The following PROM1 variants were observed in gnomAD, a reference collection of about 807,000 sequenced individuals.
The protein encoded by PROM1 is prominin-1.
A neutral mutation model predicts 116.9 loss-of-function variants in PROM1; 105 were observed. That is an observed-to-expected ratio of 0.90 (90% CI 0.77 to 1.06). PROM1 has a LOEUF of 1.06. PROM1 is among the 50% of genes least tolerant of loss of function. The pLI is 0.00. For synonymous variants in PROM1, 393 were observed against 387.0 expected (o/e 1.02, Z -0.18); for missense variants, 1,122 against 1,045.2 (o/e 1.07, Z -1.01).
chr4:16,078,973 C>T (rs1232577270), intron 1 of PROM1, among the ~76,000 whole-genome samples: 1 of 152,198 alleles, frequency 6.6e-6, no homozygotes, highest in Non-Finnish European at 1.5e-5. Flanking sequence ...CAGGCCCACG[C>T]TTCAGGTTAC....
chr4:15,993,814 T>C (rs551649785), intron 16 of PROM1, among the ~76,000 whole-genome samples, 173 bp downstream of exon 16: 1 of 152,344 alleles, frequency 6.6e-6, no homozygotes, highest in African/African-American at 2.4e-5. Flanking sequence ...AGAAAACGTT[T>C]TGGAACCAAA....
intron 2 of PROM1, among the ~76,000 whole-genome samples, chr4:16,073,634 C>T (rs541761527): frequency 8.0e-5 from 11 of 138,038 alleles, no homozygotes; most frequent in Admixed American, 1.5e-4. Flanking sequence ...GCTGGTCTGC[C>T]CTGGTCTACT....
At position 16,016,166 on chromosome 4, in the gene PROM1, C is replaced by A. The variant is rs1188471895; in HGVS notation, c.1077G>T (p.Gln359His). The A allele has an allele frequency of 5.2e-6, 8 of 1,552,834 alleles. No individual in the cohort carries two copies. Among genetic ancestry groups the A allele is most frequent in the Non-Finnish European group, 7.0e-6 (8 of 1,147,306 alleles). The change falls in exon 10 of 28, where the codon CAG (glutamine) becomes CAT (histidine). Residue 359 changes from glutamine to histidine, a missense_variant and splice_region_variant. By Grantham distance (24) the Gln-to-His change is conservative. Coordinates refer to ENST00000447510, the MANE Select transcript of PROM1 (RefSeq NM_006017.3). ...GATTGTATTTTTTCCAAAAGCATAC[C>A]TGTTGGACCAGGCCATCCAAATCTG... The part of the protein sequence containing the change: ...LRTDLDGLVQ[Q>H]GYQSLNDIPD...
At chr4:16,003,645 A>G (rs1050382947) in intron 13 of PROM1, among the ~76,000 whole-genome samples, 1 of 152,120 alleles carries the variant, frequency 6.6e-6, no homozygotes, top group African/African-American at 2.4e-5. Flanking sequence ...ACTGCATCCT[A>G]TTCAGCTGCT....
rs376604121 is a variant in PROM1 at position 16,031,776 on chromosome 4, T to C, written c.509+1528A>G. Among the ~76,000 whole-genome samples the C allele has an allele frequency of 2.7e-4, 41 of 152,260 alleles. 1 individual carries two copies. In the South Asian group the frequency reaches 4.8e-3, roughly 18 times the overall value. Reference sequence around the variant, plus strand: ...CAATGCATGAAGTCAGCTAACACATTCACTTGGATCTTGTTTACACACATA... The same window carrying C: ...CAATGCATGAAGTCAGCTAACACATCCACTTGGATCTTGTTTACACACATA... On this transcript the variant is annotated intron_variant, in intron 5 of 27. Transcript: ENST00000447510.
chr4:15,997,465 T>G (rs1722632559), intron 15 of PROM1, among the ~76,000 whole-genome samples: 1 of 151,662 alleles, frequency 6.6e-6, no homozygotes, highest in South Asian at 2.1e-4. Context: ...AGTTTTTTTG[T>G]TTTCTTTTTT....
intron 26 of PROM1, among the ~76,000 whole-genome samples, chr4:15,978,572 G>A (rs1716831835): frequency 6.6e-6 from 1 of 152,214 alleles, no homozygotes; most frequent in Non-Finnish European, 1.5e-5. Flanking sequence ...CCCATGTGGA[G>A]CGTGGGCCTT....
chr4:15,995,200 T>G (rs1485091926), intron 15 of PROM1, among the ~76,000 whole-genome samples: 1 of 151,756 alleles, frequency 6.6e-6, no homozygotes, highest in Non-Finnish European at 1.5e-5. Flanking sequence ...CCAGAAGCAA[T>G]GGAGAAACTT....
rs145074019 is a variant in PROM1 at position 16,040,639 on chromosome 4, G to A, written c.221-1638C>T. 9.8e-4 allele frequency among the ~76,000 whole-genome samples: 150 copies of A among 152,332 alleles called. 1 individual carries two copies. The highest frequency in any genetic ancestry group is 3.4e-3 in the African/African-American group (140 of 41,576). On this transcript the variant is annotated intron_variant, in intron 2 of 27. Coordinates refer to ENST00000447510, the MANE Select transcript of PROM1 (RefSeq NM_006017.3). ...CACTTAACTGTGTGTCTAATCTTAG[G>A]TGAATAACTGCTACGAACATGCTCA...
chr4:16,069,151 C>T, intron 2 of PROM1, among the ~76,000 whole-genome samples: 1 of 152,218 alleles, frequency 6.6e-6, no homozygotes, highest in South Asian at 2.1e-4. Flanking sequence ...AGGAGAATCA[C>T]TTGAACCCGG....
intron 7 of PROM1, 42 bp downstream of exon 7, chr4:16,024,253 A>C: frequency 6.4e-7 from 1 of 1,565,062 alleles, no homozygotes; most frequent in Non-Finnish European, 8.8e-7. Flanking sequence ...GATGAGTCAA[A>C]ACAAAGAAAA....
At chr4:16,078,675 AC>A (rs1744442015) in intron 1 of PROM1, among the ~76,000 whole-genome samples, 1 of 152,192 alleles carries the variant, frequency 6.6e-6, no homozygotes. Context: ...TGAAACACAT[AC>A]TGTAAGAAAG....
intron 2 of PROM1, among the ~76,000 whole-genome samples, chr4:16,065,120 G>A (rs962963340): frequency 2.6e-5 from 4 of 152,088 alleles, no homozygotes; most frequent in African/African-American, 7.2e-5. Context: ...TGTTGCTTTG[G>A]CAGGGTTAGA....
intron 22 of PROM1, among the ~76,000 whole-genome samples, chr4:15,984,636 ACCT>A (rs1718866705): frequency 6.6e-6 from 1 of 151,916 alleles, no homozygotes; most frequent in Non-Finnish European, 1.5e-5. Context: ...CCTGAGCTCC[ACCT>A]CCTGTCAGAG....
intron 11 of PROM1, among the ~76,000 whole-genome samples, chr4:16,012,273 A>G (rs1727072394): frequency 6.6e-6 from 1 of 152,226 alleles, no homozygotes; most frequent in Non-Finnish European, 1.5e-5. Flanking sequence ...CTGGGATTGC[A>G]GGCGTGAGCC....
rs1225781816 is a variant in PROM1, at chr4:16,083,904, C to A, written c.-213+74G>T. Reference sequence around the variant, plus strand: ...CCCGGGTGCCCGGGGGGACCCGTTGCGGCTTCCTCTGTCCCGGACGGGGAC... The same window carrying A: ...CCCGGGTGCCCGGGGGGACCCGTTGAGGCTTCCTCTGTCCCGGACGGGGAC... On this transcript the variant is annotated intron_variant, in intron 1 of 27. Transcript: ENST00000447510. The A allele has an allele frequency of 2.6e-5, 4 of 152,366 alleles. No homozygotes were observed. In the East Asian group the frequency reaches 5.8e-4, roughly 22 times the overall value. The allele number at this position is 152,366 out of a possible 1,614,324, so 9.4% of individuals were successfully genotyped here. A position where few individuals can be genotyped will look rare whatever the true frequency, so the allele number is the denominator to read the frequency against.
chr4:15,991,044 G>T (rs1720854990), intron 18 of PROM1, among the ~76,000 whole-genome samples, 178 bp downstream of exon 18: 1 of 152,196 alleles, frequency 6.6e-6, no homozygotes, highest in African/African-American at 2.4e-5. Context: ...GGCTCAGAGG[G>T]GTTTGGGACA....
intron 2 of PROM1, among the ~76,000 whole-genome samples, chr4:16,048,698 G>C (rs1374955077): frequency 6.6e-6 from 1 of 152,046 alleles, no homozygotes; most frequent in Non-Finnish European, 1.5e-5. Flanking sequence ...GCTTTTACTA[G>C]AATTAATGGT....
At chr4:16,053,743 A>G (rs1391697385) in intron 2 of PROM1, among the ~76,000 whole-genome samples, 2 of 152,248 alleles carry the variant, frequency 1.3e-5, no homozygotes, top group Non-Finnish European at 2.9e-5. Context: ...GGCCACTGGC[A>G]TATGGGGATT....
Sources: gnomAD v4.1 joint callset for allele counts (sites outside exome capture counted in the v4.1 genomes callset) on GRCh38, gnomAD v4.1.1 for gene constraint, MANE v1.5 for transcripts, NCBI Gene and HGNC (gene_info 2026-07-23, HGNC 2026-07-21) for gene names.